Variants in ITPRID1 observed in about 807,000 individuals in gnomAD.
ITPRID1 encodes the protein ITPR interacting domain containing 1.
ITPRID1 carries 96 observed loss-of-function variants against 95.4 expected under a neutral mutation model. The observed-to-expected ratio is 1.01, with a 90% CI of 0.85 to 1.19. The LOEUF is 1.19. Ranked by LOEUF, ITPRID1 falls within the 50% of genes most tolerant of loss-of-function variation. The pLI, the probability that ITPRID1 is intolerant of heterozygous loss-of-function variation, is 0.00. For missense variants in ITPRID1, 1,339 were observed against 1,252.9 expected (o/e 1.07, Z -1.04); for synonymous variants, 510 against 453.6 (o/e 1.12, Z -1.58).
chr7:31,603,787 G>A (rs562902438), intron 10 of ITPRID1, among the ~76,000 whole-genome samples: 8 of 152,084 alleles, frequency 5.3e-5, no homozygotes, highest in East Asian at 3.9e-4. Context: ...CCCCACAATC[G>A]CCCAATTTTG....
chr7:31,546,675 C>T (rs1184787058), intron 1 of ITPRID1, among the ~76,000 whole-genome samples: 1 of 152,136 alleles, frequency 6.6e-6, no homozygotes, highest in Admixed American at 6.6e-5. Flanking sequence ...TCAACAAATA[C>T]ACATTGAGTA....
At position 31,598,529 on chromosome 7, in the gene ITPRID1, G is replaced by C. The variant is rs551090033; in HGVS notation, c.1228+15338G>C. Among the ~76,000 whole-genome samples the C allele has an allele frequency of 3.6e-4, 53 of 148,326 alleles. No individual in the cohort carries two copies. The East Asian group carries it at 9.2e-3, about 26-fold the overall frequency. ...GGCCATTCTCCTGCCTCAGCCTCCC[G>C]AGTAGCTGGGACTACAGGCGCCCGC... is the stretch of plus-strand genomic sequence containing the variant. On this transcript the variant is annotated intron_variant, in intron 10 of 14. Coordinates refer to ENST00000615280, the MANE Select transcript of ITPRID1 (RefSeq NM_001257967.3).
At chr7:31,574,769 A>C (rs1391984906) in intron 8 of ITPRID1, 27 bp downstream of exon 8, 37 of 1,607,892 alleles carry the variant, frequency 2.3e-5, no homozygotes, top group Non-Finnish European at 3.1e-5. Context: ...TGGCATTCGC[A>C]TCTCAGCATT....
rs117662203 is a variant in ITPRID1, at chr7:31,584,277, C to A, written c.1228+1086C>A. ...TTTCATTACAAAGTGTATGTATGGG[C>A]CTCATTTTGCTAAATGCTGTTTAGA... On this transcript the variant is annotated intron_variant, in intron 10 of 14. Transcript: ENST00000615280. Among the ~76,000 whole-genome samples, 136 of 152,238 alleles carry A rather than the reference C, an allele frequency of 8.9e-4. 6 individuals are homozygous for A. The East Asian group carries it at 0.02, about 23-fold the overall frequency.
At chr7:31,651,305 G>GC (rs1790928092) in intron 13 of ITPRID1, 36 bp downstream of exon 13, 2 of 1,605,028 alleles carry the variant, frequency 1.2e-6, no homozygotes, top group African/African-American at 2.7e-5. Flanking sequence ...GTAAGTACCA[G>GC]CCCACACACC....
At chr7:31,585,409 A>G (rs558920760) in intron 10 of ITPRID1, among the ~76,000 whole-genome samples, 26 of 152,332 alleles carry the variant, frequency 1.7e-4, no homozygotes, top group African/African-American at 5.3e-4. Flanking sequence ...CCACAAATAT[A>G]CTATCCTCCC....
chr7:31,633,586 A>G (rs938988482), intron 10 of ITPRID1, among the ~76,000 whole-genome samples: 1 of 152,156 alleles, frequency 6.6e-6, no homozygotes, highest in Non-Finnish European at 1.5e-5. Flanking sequence ...ACTACCGCCC[A>G]TTGTCCTGAA....
At chr7:31,533,942 G>C (rs1055895048) in intron 1 of ITPRID1, among the ~76,000 whole-genome samples, 3 of 152,096 alleles carry the variant, frequency 2.0e-5, no homozygotes, top group African/African-American at 7.2e-5. Flanking sequence ...CAAACCAGGC[G>C]ACCCAGCAGA....
chr7:31,554,184 A>C (rs907898664), intron 3 of ITPRID1, among the ~76,000 whole-genome samples: 3 of 152,196 alleles, frequency 2.0e-5, no homozygotes, highest in Non-Finnish European at 4.4e-5. Context: ...TAATTTAAAA[A>C]TTATTCTAAC....
At chr7:31,609,425 C>T (rs932627025) in intron 10 of ITPRID1, among the ~76,000 whole-genome samples, 6 of 151,596 alleles carry the variant, frequency 4.0e-5, no homozygotes, top group Non-Finnish European at 5.9e-5. Flanking sequence ...GCAAAGCCAT[C>T]TGGGCCTGAA....
chr7:31,585,842 T>A (rs115296143), intron 10 of ITPRID1, among the ~76,000 whole-genome samples: 3,281 of 152,248 alleles, frequency 0.022, 111 homozygotes, highest in African/African-American at 0.072. Context: ...ATCTTTTTTT[T>A]TTATTATTAT....
chr7:31,525,969 A>T (rs1462140240), intron 1 of ITPRID1, among the ~76,000 whole-genome samples: 1 of 152,154 alleles, frequency 6.6e-6, no homozygotes, highest in Non-Finnish European at 1.5e-5. Context: ...ATGTTAAAAA[A>T]AATACTTAGC....
At chr7:31,619,689 G>A (rs574762937) in intron 10 of ITPRID1, among the ~76,000 whole-genome samples, 3 of 152,198 alleles carry the variant, frequency 2.0e-5, no homozygotes, top group East Asian at 2.0e-4. Context: ...CGCAGAAGAC[G>A]GGTGATTTCT....
chr7:31,517,017 C>A (rs536748396), intron 1 of ITPRID1, among the ~76,000 whole-genome samples: 112 of 152,158 alleles, frequency 7.4e-4, no homozygotes, highest in Admixed American at 1.5e-3. Context: ...AGACCTCTAC[C>A]GTGTTACAGC....
intron 10 of ITPRID1, among the ~76,000 whole-genome samples, chr7:31,622,924 A>G (rs1788058721): frequency 6.6e-6 from 1 of 152,232 alleles, no homozygotes; most frequent in Admixed American, 6.5e-5. Context: ...TAAAGGGGAT[A>G]TCACCACCAA....
At position 31,643,399 on chromosome 7, in the gene ITPRID1, G is replaced by C; in HGVS notation, c.2029G>C (p.Val677Leu). The stretch of plus-strand genomic sequence containing the variant: ...TAAACTGCCTGGAGATCCTGCCCAG[G>C]TGAAGTCAAGGTCTGGTACTTTGGG... ...LHKLPGDPAQ[V>L]KSRSGTLGQI... The change falls in exon 12 of 15, where the codon GTG becomes CTG. Residue 677 changes from valine (V) to leucine (L), a missense_variant. By Grantham distance (32) the Val-to-Leu change is conservative. Transcript: ENST00000615280. 6.2e-7 allele frequency: 1 copy of C among 1,613,962 alleles called. No homozygotes were observed. Among genetic ancestry groups the C allele is most frequent in the Non-Finnish European group, 8.5e-7 (1 of 1,179,884 alleles).
At chr7:31,602,040 G>GTT (rs78634379) in intron 10 of ITPRID1, among the ~76,000 whole-genome samples, 3 of 149,936 alleles carry the variant, frequency 2.0e-5, no homozygotes, top group African/African-American at 4.9e-5. Flanking sequence ...ATGATAAGGG[G>GTT]TTTTTTTTTT....
chr7:31,613,475 C>T (rs1386390360), intron 10 of ITPRID1, among the ~76,000 whole-genome samples: 1 of 152,006 alleles, frequency 6.6e-6, no homozygotes, highest in Non-Finnish European at 1.5e-5. Context: ...AACCAATTTG[C>T]TTACTGTAGT....
At position 31,649,772 on chromosome 7, in the gene ITPRID1, G is replaced by A. The variant is rs1253942200; in HGVS notation, c.2584-1370G>A. The stretch of plus-strand genomic sequence containing the variant: ...GCAAAACAAAGGGGATAGCTGGTAA[G>A]AACTCAGCAAGTCATCAGAGTGCCG... On this transcript the variant is annotated intron_variant, in intron 12 of 14. Transcript: ENST00000615280. Among the ~76,000 whole-genome samples the A allele has an allele frequency of 1.3e-5, 2 of 152,158 alleles. 1 individual carries two copies. The highest frequency in any genetic ancestry group is 2.9e-5 in the Non-Finnish European group (2 of 68,024).
Sources: gnomAD v4.1 joint callset for allele counts (sites outside exome capture counted in the v4.1 genomes callset) on GRCh38, gnomAD v4.1.1 for gene constraint, MANE v1.5 for transcripts, NCBI Gene and HGNC (gene_info 2026-07-23, HGNC 2026-07-21) for gene names.